Variants in NAPEPLD observed in about 807,000 individuals in gnomAD.
The protein encoded by NAPEPLD is N-acyl-phosphatidylethanolamine-hydrolyzing phospholipase D.
Under a neutral mutation model 38.1 loss-of-function variants are expected in NAPEPLD, and 23 were observed. The ratio of observed to expected loss-of-function variants is 0.60; its 90% CI spans 0.43 to 0.86. NAPEPLD has a LOEUF of 0.86. NAPEPLD is among the 40% of genes least tolerant of loss of function. The pLI is 0.00. For missense variants in NAPEPLD, 411 were observed against 476.8 expected (o/e 0.86, Z 1.28); for synonymous variants, 147 against 162.0 (o/e 0.91, Z 0.71).
intron 1 of NAPEPLD, chr7:103,129,278 G>A (rs1335452045): frequency 2.0e-6 from 2 of 978,414 alleles, no homozygotes; most frequent in African/African-American, 1.8e-5. Flanking sequence ...AAGGATGTTT[G>A]CTTTACCTAT....
At chr7:103,126,448 G>A (rs2129529908) in intron 2 of NAPEPLD, among the ~76,000 whole-genome samples, 1 of 152,208 alleles carries the variant, frequency 6.6e-6, no homozygotes, top group African/African-American at 2.4e-5. Flanking sequence ...ATGCCTATGT[G>A]CCAATGGCTA....
At position 103,142,502 on chromosome 7, in the gene NAPEPLD, A is replaced by C. The variant is rs538415308; in HGVS notation, c.-17+6309T>G. 5.3e-5 allele frequency among the ~76,000 whole-genome samples: 8 copies of C among 152,298 alleles called. 2 individuals carry two copies. The highest frequency in any genetic ancestry group is 1.9e-4 in the African/African-American group (8 of 41,576). On this transcript the variant is annotated intron_variant, in intron 1 of 4. Coordinates refer to ENST00000465647, the MANE Select transcript of NAPEPLD (RefSeq NM_001122838.3). ...GCGGCTGTAATCCCAGCTACTTGGG[A>C]GGCTGAAGTGGGAGAATCACTTGAA...
rs576882079 is a variant in NAPEPLD, at chr7:103,102,800, T to C, written c.*629A>G. 7 of 152,778 alleles carry C rather than the reference T, an allele frequency of 4.6e-5. No individual in the cohort carries two copies. The highest frequency in any genetic ancestry group is 4.6e-4 in the Admixed American group (7 of 15,306). 9.5% of individuals were successfully genotyped at this position (152,778 alleles called of 1,614,324 possible). A position where few individuals can be genotyped will look rare whatever the true frequency, so the allele number is the denominator to read the frequency against. On this transcript the variant is annotated 3_prime_UTR_variant, in exon 5 of 5. Coordinates refer to ENST00000465647, the MANE Select transcript of NAPEPLD (RefSeq NM_001122838.3). ...GTAAATGTTTAAAATGGCAAATATG[T>C]ATTTATATATTTTACCACAATAGAG...
intron 2 of NAPEPLD, among the ~76,000 whole-genome samples, chr7:103,121,883 A>T (rs976314921): frequency 9.2e-5 from 14 of 152,176 alleles, no homozygotes; most frequent in African/African-American, 3.1e-4. Flanking sequence ...AAGGCATCAC[A>T]GACACAGTGA....
intron 4 of NAPEPLD, among the ~76,000 whole-genome samples, chr7:103,108,131 ATTCT>A (rs1803757354): frequency 2.1e-5 from 2 of 94,580 alleles, no homozygotes; most frequent in African/African-American, 7.0e-5. Context: ...AATATTCAAC[ATTCT>A]TTTTTTTTTT....
upstream of NAPEPLD, chr7:103,149,247 G>C (rs1421301789): frequency 3.0e-6 from 3 of 997,744 alleles, no homozygotes; most frequent in Non-Finnish European, 3.6e-6. Context: ...CGGCCAGAGC[G>C]GCGGGGTGCG....
chr7:103,148,433 T>TACCTCAACTACGAGG (rs142895956), intron 1 of NAPEPLD, among the ~76,000 whole-genome samples: 1 of 146,196 alleles, frequency 6.8e-6, no homozygotes, highest in African/African-American at 2.5e-5. Context: ...GAAGAGTATC[T>TACCTCAACTACGAGG]ACCATATCGA....
intron 1 of NAPEPLD, among the ~76,000 whole-genome samples, chr7:103,144,175 T>C (rs886289352): frequency 1.2e-4 from 19 of 152,236 alleles, no homozygotes; most frequent in Non-Finnish European, 1.6e-4. Context: ...CCACTAATCA[T>C]GTTGAATCTA....
chr7:103,115,994 T>G (rs1805477168), intron 3 of NAPEPLD, among the ~76,000 whole-genome samples: 1 of 152,210 alleles, frequency 6.6e-6, no homozygotes, highest in African/African-American at 2.4e-5. Flanking sequence ...CTTAGGCTAA[T>G]GAGCAATGAG....
chr7:103,149,572 C>A, upstream of NAPEPLD: 1 of 1,043,542 alleles, frequency 9.6e-7, no homozygotes, highest in Non-Finnish European at 1.2e-6. Context: ...GGCTGCCTCT[C>A]CAGCCCTTAC....
intron 2 of NAPEPLD, among the ~76,000 whole-genome samples, chr7:103,124,190 G>T (rs560871820): frequency 6.6e-6 from 1 of 152,154 alleles, no homozygotes; most frequent in South Asian, 2.1e-4. Context: ...CAGGCACAGT[G>T]GCTCACGCCT....
At chr7:103,140,525 TG>T in intron 1 of NAPEPLD, among the ~76,000 whole-genome samples, 1 of 151,736 alleles carries the variant, frequency 6.6e-6, no homozygotes, top group East Asian at 1.9e-4. Context: ...CCCAAGTGGC[TG>T]GGACTACAGG....
At position 103,116,262 on chromosome 7, in the gene NAPEPLD, C is replaced by T. The variant is rs184029249; in HGVS notation, c.942-1088G>A. Among the ~76,000 whole-genome samples, 11 of 152,024 alleles carry T rather than the reference C, an allele frequency of 7.2e-5. No individual in the cohort carries two copies. In the East Asian group the frequency reaches 1.2e-3, roughly 16 times the overall value. Reference sequence around the variant, plus strand: ...ATTTTTAGTAGAACCAGGGTTTCACCATGTTAGCCAGGATGGTACTGATCT... The same window carrying T: ...ATTTTTAGTAGAACCAGGGTTTCACTATGTTAGCCAGGATGGTACTGATCT... On this transcript the variant is annotated intron_variant, in intron 3 of 4. Transcript: ENST00000465647.
At chr7:103,116,114 T>G (rs1323035282) in intron 3 of NAPEPLD, among the ~76,000 whole-genome samples, 1 of 151,954 alleles carries the variant, frequency 6.6e-6, no homozygotes, top group Admixed American at 6.6e-5. Context: ...CAGGCTAGAG[T>G]GCAGTGCCGC....
At chr7:103,117,583 A>C (rs1289466969) in intron 3 of NAPEPLD, among the ~76,000 whole-genome samples, 1 of 152,240 alleles carries the variant, frequency 6.6e-6, no homozygotes, top group African/African-American at 2.4e-5. Flanking sequence ...AAACATCTTA[A>C]ATTTATAGAG....
intron 4 of NAPEPLD, among the ~76,000 whole-genome samples, chr7:103,113,921 C>A (rs1310244808): frequency 6.6e-6 from 1 of 150,748 alleles, no homozygotes; most frequent in Non-Finnish European, 1.5e-5. Context: ...AGGTGCCCAG[C>A]CAAATCTCAC....
chr7:103,103,648 G>A, intron 4 of NAPEPLD, 94 bp from the exon 5 acceptor site: 4 of 1,316,628 alleles, frequency 3.0e-6, no homozygotes, highest in South Asian at 2.9e-5. Context: ...ACCAACAGAT[G>A]CCTAGTTAGA....
At chr7:103,145,194 C>A (rs563648777) in intron 1 of NAPEPLD, among the ~76,000 whole-genome samples, 1 of 152,058 alleles carries the variant, frequency 6.6e-6, no homozygotes, top group South Asian at 2.1e-4. Flanking sequence ...TGAAGGTATT[C>A]GGGTGGCTAA....
rs549136700 is a variant in NAPEPLD at position 103,100,684 on chromosome 7, T to G, written c.*2745A>C. 7 of 152,310 alleles carry G rather than the reference T, an allele frequency of 4.6e-5. No homozygotes were observed. The highest frequency in any genetic ancestry group is 3.3e-4 in the Admixed American group (5 of 15,298). The allele number at this position is 152,310 out of a possible 1,614,324, so 9.4% of individuals were successfully genotyped here. A position where few individuals can be genotyped will look rare whatever the true frequency, so the allele number is the denominator to read the frequency against. On this transcript the variant is annotated 3_prime_UTR_variant, in exon 5 of 5. Coordinates refer to ENST00000465647, the MANE Select transcript of NAPEPLD (RefSeq NM_001122838.3). The stretch of plus-strand genomic sequence containing the variant: ...AAGTTGACTTAGAGGATAAGACTGA[T>G]TAAAAGACACTACAATGCATATTAG...
Sources: gnomAD v4.1 joint callset for allele counts (sites outside exome capture counted in the v4.1 genomes callset) on GRCh38, gnomAD v4.1.1 for gene constraint, MANE v1.5 for transcripts, NCBI Gene and HGNC (gene_info 2026-07-23, HGNC 2026-07-21) for gene names.